The following STK3 variants were observed in gnomAD, a reference collection of about 807,000 sequenced individuals.
The protein encoded by STK3 is serine/threonine-protein kinase 3.
STK3 carries 41 observed loss-of-function variants against 58.0 expected under a neutral mutation model. That is an observed-to-expected ratio of 0.71 (90% confidence interval 0.55 to 0.92). The LOEUF is 0.92. Ranked by LOEUF, STK3 falls within the 40% of genes least tolerant of loss-of-function variation. The pLI, the probability that STK3 is intolerant of heterozygous loss-of-function variation, is 0.00. For synonymous variants in STK3, 170 were observed against 191.0 expected (o/e 0.89, Z 0.91); for missense variants, 479 against 602.7 (o/e 0.79, Z 2.15).
downstream of STK3, among the ~76,000 whole-genome samples, chr8:98,369,412 T>A (rs941619611): frequency 6.6e-6 from 1 of 151,618 alleles, no homozygotes; most frequent in South Asian, 2.1e-4. Context: ...TAGGAGGGAG[T>A]TTTTTGGATC....
intron 6 of STK3, among the ~76,000 whole-genome samples, chr8:98,652,138 C>A (rs1403307653): frequency 6.6e-6 from 1 of 152,068 alleles, no homozygotes; most frequent in African/African-American, 2.4e-5. Context: ...GATCTCTCGG[C>A]AAAACTCTAC....
Position 98,707,031 on chromosome 8 carries a change from A to C in STK3, c.516+116T>G. 7.7e-6 allele frequency: 9 copies of C among 1,174,506 alleles called. No homozygotes were observed. The South Asian group carries it at 1.7e-4, about 22-fold the overall frequency. 72.8% of individuals were successfully genotyped at this position (1,174,506 alleles called of 1,614,324 possible). A position where few individuals can be genotyped will look rare whatever the true frequency, so the allele number is the denominator to read the frequency against. Reference sequence around the variant, plus strand: ...CTCAATTATGGTTCCTTCTCCACAAAAATTAAAAAACTACACATTTCTTTC... The same window carrying C: ...CTCAATTATGGTTCCTTCTCCACAACAATTAAAAAACTACACATTTCTTTC... On this transcript the variant is annotated intron_variant, in intron 5 of 10. Coordinates refer to ENST00000419617, the MANE Select transcript of STK3 (RefSeq NM_006281.4).
At chr8:98,706,799 C>T (rs926111028) in intron 5 of STK3, among the ~76,000 whole-genome samples, 165 bp from the exon 6 acceptor site, 2 of 152,174 alleles carry the variant, frequency 1.3e-5, no homozygotes, top group East Asian at 1.9e-4. Flanking sequence ...TTAGGAATTC[C>T]GAATTCTGAA....
At chr8:98,741,418 A>C (rs959314446) in intron 4 of STK3, among the ~76,000 whole-genome samples, 10 of 152,240 alleles carry the variant, frequency 6.6e-5, no homozygotes, top group African/African-American at 2.4e-4. Flanking sequence ...GTACAATCAA[A>C]CTAGAACTCA....
chr8:98,695,157 A>G (rs1044737172), intron 6 of STK3, among the ~76,000 whole-genome samples: 1 of 152,178 alleles, frequency 6.6e-6, no homozygotes, highest in African/African-American at 2.4e-5. Flanking sequence ...TTCTCTGAGA[A>G]GTGTCTGTTC....
chr8:98,592,544 G>A (rs1381015943), intron 7 of STK3, among the ~76,000 whole-genome samples: 1 of 151,972 alleles, frequency 6.6e-6, no homozygotes, highest in African/African-American at 2.4e-5. Flanking sequence ...TTTGGGGTGT[G>A]TGTGTGACCT....
intron 6 of STK3, among the ~76,000 whole-genome samples, chr8:98,639,180 G>A (rs1035463367): frequency 1.3e-5 from 2 of 150,310 alleles, no homozygotes; most frequent in East Asian, 1.9e-4. Context: ...CATGATCACA[G>A]CTCACTGCAG....
At chr8:98,698,332 G>A (rs1427205073) in intron 6 of STK3, among the ~76,000 whole-genome samples, 2 of 151,892 alleles carry the variant, frequency 1.3e-5, no homozygotes, top group East Asian at 1.9e-4. Context: ...GCCAGTCTGT[G>A]TCTTTTAATT....
chr8:98,774,283 A>C (rs1193700747), intron 2 of STK3, among the ~76,000 whole-genome samples: 2 of 152,158 alleles, frequency 1.3e-5, no homozygotes, highest in Admixed American at 1.3e-4. Context: ...GTTATTTTGA[A>C]ATCATGTCAA....
At chr8:98,660,273 G>A (rs1434388520) in intron 6 of STK3, among the ~76,000 whole-genome samples, 1 of 151,986 alleles carries the variant, frequency 6.6e-6, no homozygotes. Flanking sequence ...GAGGGAGGAA[G>A]CAATGGGGAG....
intron 6 of STK3, among the ~76,000 whole-genome samples, chr8:98,669,341 T>C (rs1386538935): frequency 6.6e-6 from 1 of 152,144 alleles, no homozygotes; most frequent in East Asian, 1.9e-4. Flanking sequence ...AAAAAAAGAC[T>C]TGGATTTTTT....
intron 6 of STK3, among the ~76,000 whole-genome samples, chr8:98,641,604 C>T (rs1377964536): frequency 2.0e-5 from 3 of 152,116 alleles, no homozygotes; most frequent in African/African-American, 7.2e-5. Context: ...TGCTGTGCTC[C>T]ACACTAAAAA....
rs148427992 is a variant in STK3 at position 98,402,091 on chromosome 8, G to C, written n.484-578C>G. 1.4e-3 allele frequency among the ~76,000 whole-genome samples: 216 copies of C among 152,174 alleles called. 2 individuals carry two copies. The highest frequency in any genetic ancestry group is 5.0e-3 in the African/African-American group (207 of 41,524). On this transcript the variant is annotated intron_variant and non_coding_transcript_variant, in intron 3 of 3. Transcript: ENST00000517832. Reference sequence around the variant, plus strand: ...TCCTTGCTGTTCTATACTTCCCCAGGTATAATTGGTATTAATAATAGCTTT... The same window carrying C: ...TCCTTGCTGTTCTATACTTCCCCAGCTATAATTGGTATTAATAATAGCTTT...
chr8:98,836,292 C>T (rs1835745790), intron 3 of STK3, among the ~76,000 whole-genome samples: 2 of 152,156 alleles, frequency 1.3e-5, no homozygotes, highest in South Asian at 4.1e-4. Flanking sequence ...GATTCAGTGC[C>T]TGGTGAGGGC....
chr8:98,706,667 T>C, intron 5 of STK3, 33 bp from the exon 6 acceptor site: 4 of 1,507,122 alleles, frequency 2.7e-6, no homozygotes, highest in Non-Finnish European at 3.5e-6. Flanking sequence ...TAAATGCTAC[T>C]ACAAAAGCAC....
intron 10 of STK3, 29 bp downstream of exon 10, chr8:98,526,713 C>T (rs766472668): frequency 6.7e-7 from 1 of 1,488,816 alleles, no homozygotes; most frequent in African/African-American, 1.4e-5. Flanking sequence ...AAGGAGAAAA[C>T]ATAAATTGAA....
intron 2 of STK3, among the ~76,000 whole-genome samples, chr8:98,772,584 A>G (rs1286799355): frequency 2.0e-5 from 3 of 152,152 alleles, no homozygotes; most frequent in Admixed American, 6.5e-5. Flanking sequence ...CTGTAATCCC[A>G]GCTACTCGGG....
At chr8:98,354,026 G>A in the STK3 span, among the ~76,000 whole-genome samples, 2 of 152,202 alleles carry the variant, frequency 1.3e-5, no homozygotes, top group Non-Finnish European at 2.9e-5. Flanking sequence ...GCCTGAGCCT[G>A]TGTGCCCCCC....
At chr8:98,449,780 T>C (rs901261956), downstream of STK3, among the ~76,000 whole-genome samples, 19 of 152,194 alleles carry the variant, frequency 1.2e-4, no homozygotes, top group African/African-American at 4.1e-4. Flanking sequence ...TAAAATAGAT[T>C]AATGCCTTTC....
Sources: allele counts gnomAD v4.1 joint callset (sites outside exome capture counted in the v4.1 genomes callset), GRCh38; gene constraint gnomAD v4.1.1; transcripts MANE v1.5; gene names NCBI Gene and HGNC (gene_info 2026-07-23, HGNC 2026-07-21).